MACROD2: variants seen among roughly 807,000 people sequenced by gnomAD.
The protein encoded by MACROD2 is ADP-ribose glycohydrolase MACROD2.
In MACROD2, 36 loss-of-function variants were observed where a neutral mutation model predicts 70.4. That is an observed-to-expected ratio of 0.51 (90% confidence interval 0.39 to 0.68). MACROD2 has a LOEUF of 0.68. MACROD2 is among the 30% of genes least tolerant of loss of function. The pLI is 0.00. For missense variants in MACROD2, 496 were observed against 538.4 expected, an observed-to-expected ratio of 0.92 and a Z score of 0.78; for synonymous variants, 172 against 178.8, an observed-to-expected ratio of 0.96 and a Z score of 0.30.
At chr20:15,625,836 C>G (rs1184342744) in intron 8 of MACROD2, among the ~76,000 whole-genome samples, 1 of 150,404 alleles carries the variant, frequency 6.6e-6, no homozygotes, top group Non-Finnish European at 1.5e-5. Flanking sequence ...TCAGTCTGCC[C>G]CTCTCCTTAC....
At chr20:14,551,127 A>G (rs1056370690) in intron 4 of MACROD2, among the ~76,000 whole-genome samples, 1 of 152,112 alleles carries the variant, frequency 6.6e-6, no homozygotes, top group African/African-American at 2.4e-5. Context: ...AGCAGTTATC[A>G]TGCTCTGTCA....
rs1440700372 is a variant in MACROD2 at position 13,995,601 on chromosome 20, G to C, written c.-163G>C. On this transcript the variant is annotated 5_prime_UTR_variant, in exon 1 of 18. Transcript: ENST00000684519. This position sits in a 1 kb window ranked among gnomAD's most constrained non-coding sequence, Gnocchi z 4.3. The stretch of plus-strand genomic sequence containing the variant: ...GCCGAGCGCGGGCTGAGGGAGGAGG[G>C]CGGCGACTGGAGAGCGGCGAGCGGC... The C allele has an allele frequency of 6.9e-6, 5 of 723,584 alleles. No homozygotes were observed. In the East Asian group the frequency reaches 1.4e-4, roughly 20 times the overall value. The allele number at this position is 723,584 out of a possible 1,614,324, so 44.8% of individuals were successfully genotyped here. A position where few individuals can be genotyped will look rare whatever the true frequency, so the allele number is the denominator to read the frequency against.
intron 15 of MACROD2, among the ~76,000 whole-genome samples, chr20:16,014,030 G>T (rs2066898769): frequency 6.6e-6 from 1 of 152,138 alleles, no homozygotes; most frequent in South Asian, 2.1e-4. Flanking sequence ...CAAAATGAAG[G>T]GATCCACTGA....
chr20:15,891,177 A>G (rs2064884389), intron 10 of MACROD2, among the ~76,000 whole-genome samples: 1 of 152,190 alleles, frequency 6.6e-6, no homozygotes, highest in Admixed American at 6.5e-5. Context: ...TGAGATTCAA[A>G]GGGTGAGAAG....
chr20:15,635,801 C>G (rs1353153952), intron 8 of MACROD2, among the ~76,000 whole-genome samples: 2 of 151,746 alleles, frequency 1.3e-5, no homozygotes, highest in African/African-American at 2.4e-5. Context: ...GGCACGGTGG[C>G]TCACACCTGT....
chr20:15,006,548 T>C (rs2075039418), intron 5 of MACROD2, among the ~76,000 whole-genome samples: 1 of 152,170 alleles, frequency 6.6e-6, no homozygotes, highest in African/African-American at 2.4e-5. Context: ...TTAGCTTGAT[T>C]GTGGTAATCA....
At chr20:15,759,307 T>C (rs1169796348) in intron 8 of MACROD2, among the ~76,000 whole-genome samples, 1 of 152,056 alleles carries the variant, frequency 6.6e-6, no homozygotes, top group African/African-American at 2.4e-5. Context: ...AAAGACAATA[T>C]AGTACTTATG....
intron 8 of MACROD2, among the ~76,000 whole-genome samples, chr20:15,777,219 G>A (rs1265543013): frequency 2.0e-5 from 3 of 152,016 alleles, no homozygotes; most frequent in Non-Finnish European, 4.4e-5. Context: ...ATGTATATCT[G>A]AATATGTATG....
rs1264838985 is a variant in MACROD2, at chr20:14,461,983, A to T, written c.272-31496A>T. On this transcript the variant is annotated intron_variant, in intron 3 of 17. Transcript: ENST00000684519. ...GTGTCTTTATAGCAGCATGATTTAT[A>T]ATCCTTTGGGTATATACCCAGTAAT... Among the ~76,000 whole-genome samples, 6 of 152,038 alleles carry T rather than the reference A, an allele frequency of 3.9e-5. No homozygotes were observed. The East Asian group carries it at 9.6e-4, about 24-fold the overall frequency.
At chr20:15,095,064 CTTTTTTTTTTTT>C (rs373794823) in intron 5 of MACROD2, among the ~76,000 whole-genome samples, 3 of 89,294 alleles carry the variant, frequency 3.4e-5, no homozygotes, top group East Asian at 2.9e-4. Flanking sequence ...GTCTCCTCTT[CTTTTTTTTTTTT>C]TTTTTTTTTT....
intron 3 of MACROD2, among the ~76,000 whole-genome samples, chr20:14,488,837 G>A (rs530481224): frequency 8.6e-5 from 13 of 152,030 alleles, no homozygotes; most frequent in African/African-American, 2.7e-4. Flanking sequence ...CCCATGCTAC[G>A]ATATTCCTAG....
At chr20:14,565,273 A>C (rs1298658430) in intron 4 of MACROD2, among the ~76,000 whole-genome samples, 1 of 151,832 alleles carries the variant, frequency 6.6e-6, no homozygotes, top group Admixed American at 6.6e-5. Context: ...AGGTACAACA[A>C]AAGCCCAGGC....
intron 6 of MACROD2, among the ~76,000 whole-genome samples, chr20:15,281,717 G>A (rs1600191812): frequency 6.6e-6 from 1 of 152,304 alleles, no homozygotes; most frequent in South Asian, 2.1e-4. Flanking sequence ...GAGTGTCTGT[G>A]GCTTCTCCAG....
At chr20:14,198,400 T>C (rs2081451114) in intron 3 of MACROD2, among the ~76,000 whole-genome samples, 1 of 152,222 alleles carries the variant, frequency 6.6e-6, no homozygotes, top group Non-Finnish European at 1.5e-5. Flanking sequence ...TGAAGCCAGA[T>C]ATAAGTTGAT....
At chr20:14,049,174 T>TAAAAAAAAAAAAAAAAAA (rs71335946) in intron 2 of MACROD2, among the ~76,000 whole-genome samples, 3 of 69,748 alleles carry the variant, frequency 4.3e-5, no homozygotes, top group Non-Finnish European at 6.6e-5. Flanking sequence ...ATATATTTAA[T>TAAAAAAAAAAAAAAAAAA]AAAAAAAAAA....
chr20:15,562,722 G>C (rs1005595771), intron 8 of MACROD2, among the ~76,000 whole-genome samples: 11 of 152,192 alleles, frequency 7.2e-5, no homozygotes, highest in Admixed American at 7.2e-4. Flanking sequence ...TCCAGAGTAA[G>C]GCTGAAGTCC....
intron 5 of MACROD2, among the ~76,000 whole-genome samples, chr20:15,219,077 G>A (rs1253676693): frequency 6.6e-6 from 1 of 152,084 alleles, no homozygotes; most frequent in Non-Finnish European, 1.5e-5. Flanking sequence ...CTACATAAAA[G>A]TGAAATTGGT....
intron 6 of MACROD2, among the ~76,000 whole-genome samples, chr20:15,253,900 C>T (rs2077176580): frequency 6.6e-6 from 1 of 152,170 alleles, no homozygotes; most frequent in Non-Finnish European, 1.5e-5. Flanking sequence ...GGCATAACCT[C>T]ATTTATTTTA....
Position 14,081,351 on chromosome 20 carries a change from T to C in MACROD2, c.164-4270T>C, listed in dbSNP as rs116583740. 6.3e-3 allele frequency among the ~76,000 whole-genome samples: 963 copies of C among 152,318 alleles called. 14 individuals carry two copies. The highest frequency in any genetic ancestry group is 0.022 in the African/African-American group (914 of 41,564). On this transcript the variant is annotated intron_variant, in intron 2 of 17. Coordinates refer to ENST00000684519, the MANE Select transcript of MACROD2 (RefSeq NM_001351661.2). Reference sequence around the variant, plus strand: ...AAATGATCCCAGTTCTATACTGAGGTCTCTTTCCCTTTATTGTAATAGTTT... The same window carrying C: ...AAATGATCCCAGTTCTATACTGAGGCCTCTTTCCCTTTATTGTAATAGTTT...
Sources: allele counts gnomAD v4.1 joint callset (sites outside exome capture counted in the v4.1 genomes callset), GRCh38; gene constraint gnomAD v4.1.1; non-coding constraint Gnocchi (gnomAD v3.1); transcripts MANE v1.5; gene names NCBI Gene and HGNC (gene_info 2026-07-23, HGNC 2026-07-21).